The following RFC3 variants were observed in gnomAD, a reference collection of about 807,000 sequenced individuals.
RFC3 encodes the protein A1 38 kDa subunit.
In RFC3, 41 loss-of-function variants were observed where a neutral mutation model predicts 45.1. The observed-to-expected ratio is 0.91, with a 90% confidence interval of 0.71 to 1.18. The LOEUF (loss-of-function observed/expected upper bound fraction) is 1.18, where lower values mean the gene tolerates loss of function less well. Ranked by LOEUF, RFC3 falls within the 50% of genes most tolerant of loss-of-function variation. RFC3 has a pLI of 0.00. For synonymous variants in RFC3, 149 were observed against 144.0 expected (o/e 1.03, Z -0.25); for missense variants, 423 against 428.1 (o/e 0.99, Z 0.10).
At chr13:33,883,939 A>T (rs946568787) in intron 8 of RFC3, among the ~76,000 whole-genome samples, 3 of 148,152 alleles carry the variant, frequency 2.0e-5, no homozygotes, top group African/African-American at 7.4e-5. Context: ...ACTTAAAAGT[A>T]AAAAAAAAAG....
In RFC3 at chr13:33,836,597, C is replaced by G. The variant is rs2082157318; in HGVS notation, c.*302C>G. ...CCTCCTATTCTCTTCCGTCTAATCT[C>G]TCACCTGCTAAAGGAGATTTACACA... is the stretch of plus-strand genomic sequence containing the variant. On this transcript the variant is annotated 3_prime_UTR_variant, in exon 9 of 9. Coordinates refer to ENST00000380071, the MANE Select transcript of RFC3 (RefSeq NM_002915.4). 7 of 1,045,584 alleles carry G rather than the reference C, an allele frequency of 6.7e-6. No homozygotes were observed. Among genetic ancestry groups the G allele is most frequent in the Non-Finnish European group, 8.1e-6 (7 of 867,776 alleles). 64.8% of individuals were successfully genotyped at this position (1,045,584 alleles called of 1,614,324 possible). A position where few individuals can be genotyped will look rare whatever the true frequency, so the allele number is the denominator to read the frequency against.
intron 8 of RFC3, among the ~76,000 whole-genome samples, chr13:33,913,010 A>G (rs950372553): frequency 6.6e-5 from 10 of 152,106 alleles, no homozygotes; most frequent in Non-Finnish European, 1.0e-4. Flanking sequence ...AACAGGGGAC[A>G]CTGGGAGAGG....
In RFC3 at chr13:33,836,264, T is replaced by C. The variant is rs1446842872; in HGVS notation, c.1040T>C (p.Met347Thr). The C allele has an allele frequency of 6.2e-7, 1 of 1,613,340 alleles. No individual in the cohort carries two copies. The highest frequency in any genetic ancestry group is 8.5e-7 in the Non-Finnish European group (1 of 1,179,380). The change falls in exon 9 of 9, where the codon ATG becomes ACG. Residue 347 changes from methionine to threonine, a missense_variant. Met to Thr is a moderately conservative substitution (Grantham distance 81, BLOSUM62 -1). Coordinates refer to ENST00000380071, the MANE Select transcript of RFC3 (RefSeq NM_002915.4). Reference protein sequence around the residue: ...AKFMALYKKFMEDGLEGMMF With the variant: ...AKFMALYKKFTEDGLEGMMF ...TTCATGGCACTTTATAAGAAGTTCA[T>C]GGAGGATGGATTGGAAGGCATGATG...
intron 8 of RFC3, among the ~76,000 whole-genome samples, chr13:33,895,503 G>T (rs759328749): frequency 1.3e-5 from 2 of 152,190 alleles, no homozygotes; most frequent in African/African-American, 2.4e-5. Context: ...TGTTGGCATG[G>T]ATGTGGTAAA....
intron 8 of RFC3, among the ~76,000 whole-genome samples, chr13:33,918,447 A>G (rs1332783483): frequency 6.6e-6 from 1 of 152,126 alleles, no homozygotes; most frequent in Non-Finnish European, 1.5e-5. Context: ...ACATGAGCAC[A>G]TGTAACATAA....
At chr13:33,929,313 T>G (rs2082837229) in intron 8 of RFC3, among the ~76,000 whole-genome samples, 1 of 152,108 alleles carries the variant, frequency 6.6e-6, no homozygotes, top group African/African-American at 2.4e-5. Context: ...ACTTGTGGGC[T>G]TTAAAAAAAT....
At chr13:33,956,424 A>C (rs776359836) in intron 8 of RFC3, among the ~76,000 whole-genome samples, 3 of 152,220 alleles carry the variant, frequency 2.0e-5, no homozygotes, top group Non-Finnish European at 4.4e-5. Context: ...ACAGATGAAC[A>C]CAGCAAATTG....
rs2082094161 is a variant in RFC3, at chr13:33,830,740, G to A, written c.595G>A (p.Val199Met). The change falls in exon 6 of 9, where the codon GTG (valine) becomes ATG (methionine). Residue 199 changes from valine (V) to methionine (M), a missense_variant. Val to Met is a conservative substitution (Grantham distance 21). Transcript: ENST00000380071. ...IEDICHVLST[V>M]CKKEGLNLPS... ...GTAGATTTGCCACGTGTTATCTACT[G>A]TGTGTAAGAAGGAAGGTCTGAATCT... 1.2e-6 allele frequency: 2 copies of A among 1,611,666 alleles called. No individual in the cohort carries two copies. The highest frequency in any genetic ancestry group is 1.6e-4 in the Middle Eastern group (1 of 6,064).
At chr13:33,883,357 A>C (rs1201811145) in intron 8 of RFC3, among the ~76,000 whole-genome samples, 1 of 152,222 alleles carries the variant, frequency 6.6e-6, no homozygotes, top group African/African-American at 2.4e-5. Flanking sequence ...TTCCCACTTC[A>C]CTGAAATAAT....
At chr13:33,872,395 C>T (rs953966739) in intron 8 of RFC3, among the ~76,000 whole-genome samples, 11 of 152,156 alleles carry the variant, frequency 7.2e-5, no homozygotes, top group African/African-American at 2.7e-4. Flanking sequence ...CTTATATGAA[C>T]TTTACCAGTC....
intron 2 of RFC3, among the ~76,000 whole-genome samples, chr13:33,823,247 G>A (rs1213132690): frequency 6.6e-6 from 1 of 152,082 alleles, no homozygotes; most frequent in Non-Finnish European, 1.5e-5. Flanking sequence ...ACACACACAT[G>A]TATTATATTA....
intron 8 of RFC3, among the ~76,000 whole-genome samples, chr13:33,871,130 T>C (rs1566010152): frequency 6.6e-6 from 1 of 152,202 alleles, no homozygotes; most frequent in East Asian, 1.9e-4. Context: ...GGAACCGAAG[T>C]GTTCTGATTT....
At chr13:33,880,293 T>G (rs1298851118) in intron 8 of RFC3, among the ~76,000 whole-genome samples, 1 of 152,250 alleles carries the variant, frequency 6.6e-6, no homozygotes, top group Non-Finnish European at 1.5e-5. Flanking sequence ...AAATTTTATG[T>G]AATTGTGCTG....
intron 8 of RFC3, among the ~76,000 whole-genome samples, chr13:33,896,887 G>A (rs2082603223): frequency 6.6e-6 from 1 of 151,828 alleles, no homozygotes; most frequent in African/African-American, 2.4e-5. Context: ...ACTGTATCTA[G>A]CAAAGCTATC....
intron 8 of RFC3, among the ~76,000 whole-genome samples, chr13:33,961,718 C>A (rs1261371440): frequency 6.6e-6 from 1 of 152,072 alleles, no homozygotes; most frequent in African/African-American, 2.4e-5. Context: ...GCTGCAGATA[C>A]AAGAGGAACA....
At chr13:33,879,352 G>T (rs2082467526) in intron 8 of RFC3, among the ~76,000 whole-genome samples, 1 of 151,934 alleles carries the variant, frequency 6.6e-6, no homozygotes, top group Non-Finnish European at 1.5e-5. Flanking sequence ...AGCAAAATAG[G>T]CTAGCTAATT....
At chr13:33,873,504 G>A (rs767482484) in intron 8 of RFC3, among the ~76,000 whole-genome samples, 2 of 152,192 alleles carry the variant, frequency 1.3e-5, no homozygotes, top group African/African-American at 2.4e-5. Flanking sequence ...CATCCATGGA[G>A]TGTCTGAGAA....
chr13:33,868,108 G>A (rs1361286990), intron 8 of RFC3, among the ~76,000 whole-genome samples: 1 of 152,188 alleles, frequency 6.6e-6, no homozygotes, highest in East Asian at 1.9e-4. Context: ...TTTAAGGAAC[G>A]TTGCATCATA....
In RFC3 at chr13:33,831,057, G is replaced by A. The variant is rs998047; in HGVS notation, c.711-199G>A. On this transcript the variant is annotated intron_variant, in intron 6 of 8. Transcript: ENST00000380071. Reference sequence around the variant, plus strand: ...CCCTTGCATAAGCAGTTCACAATACGGTTCACGCTCCTATCAGAAGCTAAT... The same window carrying A: ...CCCTTGCATAAGCAGTTCACAATACAGTTCACGCTCCTATCAGAAGCTAAT... Among the ~76,000 whole-genome samples the A allele has an allele frequency of 4.0e-3, 614 of 152,014 alleles. 1 individual carries two copies. Among genetic ancestry groups the A allele is most frequent in the Non-Finnish European group, 5.7e-3 (385 of 68,016 alleles).
Sources: allele counts gnomAD v4.1 joint callset (sites outside exome capture counted in the v4.1 genomes callset), GRCh38; gene constraint gnomAD v4.1.1; transcripts MANE v1.5; gene names NCBI Gene and HGNC (gene_info 2026-07-23, HGNC 2026-07-21).